Variants in FSIP2 observed in about 807,000 individuals in gnomAD.
The protein encoded by FSIP2 is fibrous sheath interacting protein 2, also known as fibrous sheath-interacting protein 2.
In FSIP2, 367 loss-of-function variants were observed where a neutral mutation model predicts 510.5. The ratio of observed to expected loss-of-function variants is 0.72; its 90% CI spans 0.66 to 0.78. The LOEUF is 0.78. Ranked by LOEUF, FSIP2 falls within the 30% of genes least tolerant of loss-of-function variation. The pLI is 0.00. For synonymous variants in FSIP2, 2,601 were observed against 2,732.2 expected (o/e 0.95, Z 1.50); for missense variants, 7,594 against 7,901.7 (o/e 0.96, Z 1.48).
intron 11 of FSIP2, 59 bp downstream of exon 11, chr2:185,762,076 AT>A: frequency 1.3e-6 from 1 of 782,598 alleles, no homozygotes; most frequent in Non-Finnish European, 2.0e-6. Flanking sequence ...TTATAGTTTT[AT>A]TATATATTTT....
At position 185,803,689 on chromosome 2, in the gene FSIP2, GA is replaced by G. The variant is rs1324641440; in HGVS notation, c.14389del (p.Ile4797Ter). On this transcript the variant is annotated frameshift_variant, in exon 17 of 23. Coordinates refer to ENST00000424728, the MANE Select transcript of FSIP2 (RefSeq NM_173651.4). LOFTEE classifies it high-confidence loss of function. ...YTTMLSHSHL[E>X]KIVTQLTSQI... ...CACTATGTTATCACATAGTCATTTG[GA>G]AAAAATAGTTACTCAGCTTACATCT... 6.5e-7 allele frequency: 1 copy of G among 1,531,740 alleles called. No homozygotes were observed. The highest frequency in any genetic ancestry group is 1.4e-5 in the African/African-American group (1 of 72,720). The allele number at this position is 1,531,740 out of a possible 1,614,324, so 94.9% of individuals were successfully genotyped here.
At position 185,805,881 on chromosome 2, in the gene FSIP2, G is replaced by A; in HGVS notation, c.16575G>A (p.Val5525=). 6.2e-7 allele frequency: 1 copy of A among 1,608,566 alleles called. No individual in the cohort carries two copies. The highest frequency in any genetic ancestry group is 1.1e-5 in the South Asian group (1 of 89,934). Reference sequence around the variant, plus strand: ...AAAAGGAAGTGGATGAAAATAAAGTGGGAATTTGTACTCAAAAACATAGTG... The same window carrying A: ...AAAAGGAAGTGGATGAAAATAAAGTAGGAATTTGTACTCAAAAACATAGTG... The part of the protein sequence containing the change: ...TNKKEVDENK[V]GICTQKHSEN... Residue 5525 remains valine, a synonymous_variant, in exon 17 of 23, where the codon GTG becomes GTA. Transcript: ENST00000424728.
rs1324725383 is a variant in FSIP2, at chr2:185,804,959, C to G, written c.15653C>G (p.Ser5218Ter). Residue 5218 changes from serine (S) to a stop codon, truncating the protein, a stop_gained, in exon 17 of 23, where the codon TCA (serine) becomes TGA (stop). Coordinates refer to ENST00000424728, the MANE Select transcript of FSIP2 (RefSeq NM_173651.4). LOFTEE classifies it high-confidence loss of function. ...VQKDADKKGC[S>*]FLSKLAGFIM... ...AAAGATGCAGACAAAAAAGGATGCT[C>G]ATTCCTCAGTAAATTAGCTGGTTTT... The G allele has an allele frequency of 3.3e-6, 5 of 1,537,056 alleles. No individual in the cohort carries two copies. Among genetic ancestry groups the G allele is most frequent in the South Asian group, 1.2e-5 (1 of 84,218 alleles).
chr2:185,768,120 T>C (rs1010331972), intron 13 of FSIP2, among the ~76,000 whole-genome samples: 1 of 151,464 alleles, frequency 6.6e-6, no homozygotes, highest in African/African-American at 2.4e-5. Flanking sequence ...TTTTTAATAA[T>C]TTTTTTTTAC....
rs746248529 is a variant in FSIP2 at position 185,804,938 on chromosome 2, A to T, written c.15632A>T (p.Asp5211Val). Residue 5211 changes from aspartate (D) to valine (V), a missense_variant, in exon 17 of 23, where the codon GAT (aspartate) becomes GTT (valine). By Grantham distance (152) the Asp-to-Val change is radical. Coordinates refer to ENST00000424728, the MANE Select transcript of FSIP2 (RefSeq NM_173651.4). ...TSEFQAEVQK[D>V]ADKKGCSFLS... ...GAATTCCAAGCTGAAGTACAAAAAG[A>T]TGCAGACAAAAAAGGATGCTCATTC... 3.2e-5 allele frequency: 49 copies of T among 1,529,526 alleles called. 1 individual carries two copies. The South Asian group carries it at 5.6e-4, about 17-fold the overall frequency. The allele number at this position is 1,529,526 out of a possible 1,614,324, so 94.7% of individuals were successfully genotyped here. A position where few individuals can be genotyped will look rare whatever the true frequency, so the allele number is the denominator to read the frequency against.
chr2:185,800,337 A>T lies in FSIP2; in HGVS notation c.11031A>T (p.Ala3677=). The T allele has an allele frequency of 6.5e-7, 1 of 1,532,960 alleles. No homozygotes were observed. Among genetic ancestry groups the T allele is most frequent in the African/African-American group, 1.4e-5 (1 of 72,906 alleles). 95.0% of individuals were successfully genotyped at this position (1,532,960 alleles called of 1,614,324 possible). A position where few individuals can be genotyped will look rare whatever the true frequency, so the allele number is the denominator to read the frequency against. The change falls in exon 17 of 23, where the codon GCA becomes GCT. Residue 3677 remains alanine, a synonymous_variant. Coordinates refer to ENST00000424728, the MANE Select transcript of FSIP2 (RefSeq NM_173651.4). ...LFQKNKLSYL[A]CKLNSLVGNL... Reference sequence around the variant, plus strand: ...AAAAAAATAAGTTAAGTTATCTTGCATGTAAGTTAAACAGCCTGGTTGGTA... The same window carrying T: ...AAAAAAATAAGTTAAGTTATCTTGCTTGTAAGTTAAACAGCCTGGTTGGTA...
chr2:185,762,174 A>C (rs538852806), intron 11 of FSIP2, among the ~76,000 whole-genome samples, 157 bp downstream of exon 11: 1 of 151,434 alleles, frequency 6.6e-6, no homozygotes, highest in South Asian at 2.1e-4. Flanking sequence ...TATTATAATT[A>C]GCCCATATAT....
intron 16 of FSIP2, among the ~76,000 whole-genome samples, chr2:185,797,931 T>A (rs2105631232): frequency 6.6e-6 from 1 of 152,048 alleles, no homozygotes; most frequent in South Asian, 2.1e-4. Flanking sequence ...CCTCATGTGA[T>A]CCTTCTTTCT....
chr2:185,793,427 C>T lies in FSIP2; in HGVS notation c.6291C>T (p.Ile2097=). ...AAATACAAGATACCATTGAAGGTAT[C>T]CTATGTGATATTTATGAAAAAACCC... ...QLQIQDTIEG[I]LCDIYEKTLF... The change falls in exon 16 of 23, where the codon ATC becomes ATT. Residue 2097 remains isoleucine, a synonymous_variant. Transcript: ENST00000424728. The T allele has an allele frequency of 6.5e-7, 1 of 1,533,994 alleles. No homozygotes were observed. The highest frequency in any genetic ancestry group is 8.7e-7 in the Non-Finnish European group (1 of 1,145,422).
Position 185,746,716 on chromosome 2 carries a change from CAGA to C in FSIP2, c.670_672del (p.Glu224del), listed in dbSNP as rs1559009540. ...AAACTAGAACAACTTGAACGCACAG[CAGA>C]AGAACAACGCCTATTCCTAATGGAT... On this transcript the variant is annotated inframe_deletion, in exon 6 of 23. Coordinates refer to ENST00000424728, the MANE Select transcript of FSIP2 (RefSeq NM_173651.4). The C allele has an allele frequency of 2.6e-6, 4 of 1,531,024 alleles. No individual in the cohort carries two copies. Among genetic ancestry groups the C allele is most frequent in the Admixed American group, 2.0e-5 (1 of 50,266 alleles). 94.8% of individuals were successfully genotyped at this position (1,531,024 alleles called of 1,614,324 possible).
chr2:185,747,509 T>G, intron 7 of FSIP2, 86 bp downstream of exon 7: 1 of 684,536 alleles, frequency 1.5e-6, no homozygotes, highest in Middle Eastern at 2.5e-4. Flanking sequence ...CTTTGTGAGA[T>G]GACTGTTGCC....
Position 185,808,719 on chromosome 2 carries a change from C to G in FSIP2, c.19413C>G (p.Asn6471Lys), listed in dbSNP as rs745907279. ...CAAGTTTTCCATTAGATACAATTAA[C>G]TCAACAATTTCAAATGCTGATCTCT... ...GVSSFPLDTI[N>K]STISNADLSG... is the part of the protein sequence containing the mutation. The change falls in exon 17 of 23, where the codon AAC (asparagine) becomes AAG (lysine). Residue 6471 changes from asparagine (N) to lysine (K), a missense_variant. Coordinates refer to ENST00000424728, the MANE Select transcript of FSIP2 (RefSeq NM_173651.4). The G allele has an allele frequency of 1.2e-6, 2 of 1,612,006 alleles. No individual in the cohort carries two copies. Among genetic ancestry groups the G allele is most frequent in the East Asian group, 4.5e-5 (2 of 44,736 alleles).
chr2:185,804,638 C>A lies in FSIP2; in HGVS notation c.15332C>A (p.Thr5111Asn), dbSNP rs939238802. The stretch of plus-strand genomic sequence containing the variant: ...AGCCATGCCTTGCCACCATATATTA[C>A]TGTGTTGCCTCATTCTCTTTTAGAA... ...KDSHALPPYITVLPHSLLEDM... is the reference protein window; with the variant it reads ...KDSHALPPYINVLPHSLLEDM... Residue 5111 changes from threonine (T) to asparagine (N), a missense_variant, in exon 17 of 23, where the codon ACT becomes AAT. Thr to Asn is a moderately conservative substitution (Grantham distance 65). Transcript: ENST00000424728. 2 of 1,533,116 alleles carry A rather than the reference C, an allele frequency of 1.3e-6. No individual in the cohort carries two copies. Among genetic ancestry groups the A allele is most frequent in the African/African-American group, 2.7e-5 (2 of 72,822 alleles). The allele number at this position is 1,533,116 out of a possible 1,614,324, so 95.0% of individuals were successfully genotyped here.
chr2:185,793,736 G>A lies in FSIP2; in HGVS notation c.6600G>A (p.Gln2200=). ...CGTTTCCAAAAATAGACTGTCAACA[G>A]CCTCTTAAGGGGTCAAAAACTGAAA... The part of the protein sequence containing the change: ...CDTFPKIDCQ[Q]PLKGSKTERK... Residue 2200 remains glutamine, a synonymous_variant, in exon 16 of 23, where the codon CAG becomes CAA. Coordinates refer to ENST00000424728, the MANE Select transcript of FSIP2 (RefSeq NM_173651.4). 1 of 1,534,258 alleles carries A rather than the reference G, an allele frequency of 6.5e-7. No homozygotes were observed. Among genetic ancestry groups the A allele is most frequent in the Non-Finnish European group, 8.7e-7 (1 of 1,145,698 alleles).
At chr2:185,814,943 A>T (rs1693802147) in intron 18 of FSIP2, among the ~76,000 whole-genome samples, 1 of 152,056 alleles carries the variant, frequency 6.6e-6, no homozygotes, top group African/African-American at 2.4e-5. Flanking sequence ...AACTCTGGTC[A>T]ATTCAGAAGC....
At position 185,807,489 on chromosome 2, in the gene FSIP2, A is replaced by C; in HGVS notation, c.18183A>C (p.Gln6061His). ...GTGCAGTTGCAACAGAGATCTCCCA[A>C]GATAAATATATGACTATACAGTATG... ...LVSAVATEISQDKYMTIQYVE... is the reference protein window; with the variant it reads ...LVSAVATEISHDKYMTIQYVE... The change falls in exon 17 of 23, where the codon CAA (glutamine) becomes CAC (histidine). Residue 6061 changes from glutamine (Q) to histidine (H), a missense_variant. Physicochemically the swap from Gln to His is conservative, Grantham distance 24 (BLOSUM62 0). Coordinates refer to ENST00000424728, the MANE Select transcript of FSIP2 (RefSeq NM_173651.4). 1 of 1,612,386 alleles carries C rather than the reference A, an allele frequency of 6.2e-7. No homozygotes were observed. Among genetic ancestry groups the C allele is most frequent in the Non-Finnish European group, 8.5e-7 (1 of 1,178,996 alleles).
At chr2:185,748,399 C>T (rs1219774368) in intron 7 of FSIP2, among the ~76,000 whole-genome samples, 1 of 151,768 alleles carries the variant, frequency 6.6e-6, no homozygotes, top group Admixed American at 6.6e-5. Context: ...ACCTTGTCCT[C>T]CTGAAGGGCT....
Position 185,793,170 on chromosome 2 carries a change from C to T in FSIP2, c.6034C>T (p.Gln2012Ter), listed in dbSNP as rs768048020. 2 of 1,533,800 alleles carry T rather than the reference C, an allele frequency of 1.3e-6. No individual in the cohort carries two copies. The change falls in exon 16 of 23, where the codon CAA becomes TAA. Residue 2012 changes from glutamine to a stop codon, truncating the protein, a stop_gained. Transcript: ENST00000424728. LOFTEE classifies it high-confidence loss of function. ...YALQVARRNLQGIKQELDKER... is the reference protein window; with the variant it reads ...YALQVARRNL ...ACTACAAGTGGCTAGAAGAAATTTA[C>T]AAGGAATCAAACAGGAATTAGATAA... is the stretch of plus-strand genomic sequence containing the variant.
At position 185,796,279 on chromosome 2, in the gene FSIP2, T is replaced by C. The variant is rs1332540558; in HGVS notation, c.9143T>C (p.Met3048Thr). ...TTGCCAAAATTACAACCACTGAAAATGTTTTCTGATAAATCCGAGTCAAAT... is the reference window on the plus strand; with the variant it reads ...TTGCCAAAATTACAACCACTGAAAACGTTTTCTGATAAATCCGAGTCAAAT... ...KMLPKLQPLK[M>T]FSDKSESNTI... The change falls in exon 16 of 23, where the codon ATG becomes ACG. Residue 3048 changes from methionine (M) to threonine (T), a missense_variant. By Grantham distance (81) the Met-to-Thr change is moderately conservative. Coordinates refer to ENST00000424728, the MANE Select transcript of FSIP2 (RefSeq NM_173651.4). The C allele has an allele frequency of 1.3e-6, 2 of 1,533,100 alleles. No individual in the cohort carries two copies. Among genetic ancestry groups the C allele is most frequent in the African/African-American group, 1.4e-5 (1 of 72,814 alleles). The allele number at this position is 1,533,100 out of a possible 1,614,324, so 95.0% of individuals were successfully genotyped here. A position where few individuals can be genotyped will look rare whatever the true frequency, so the allele number is the denominator to read the frequency against.
Sources: gnomAD v4.1 joint callset for allele counts (sites outside exome capture counted in the v4.1 genomes callset) on GRCh38, gnomAD v4.1.1 for gene constraint, MANE v1.5 for transcripts, NCBI Gene and HGNC (gene_info 2026-07-23, HGNC 2026-07-21) for gene names.